The following NEMP2 variants were observed in gnomAD, a reference collection of about 807,000 sequenced individuals.
NEMP2 encodes nuclear envelope integral membrane protein 2.
NEMP2 carries 53 observed loss-of-function variants against 54.2 expected under a neutral mutation model. That is an observed-to-expected ratio of 0.98 (90% CI 0.78 to 1.23). The LOEUF (loss-of-function observed/expected upper bound fraction) is 1.23. NEMP2 is among the 50% of genes most tolerant of loss of function. The probability of loss-of-function intolerance (pLI) is 0.00; values close to 1 mark genes in which losing one functional copy is unlikely to be tolerated. For synonymous variants in NEMP2, 197 were observed against 190.3 expected (o/e 1.04, Z -0.29); for missense variants, 455 against 511.3 (o/e 0.89, Z 1.06).
At position 190,509,023 on chromosome 2, in the gene NEMP2, A is replaced by G. The variant is rs1690264785; in HGVS notation, c.*166T>C. On this transcript the variant is annotated 3_prime_UTR_variant, in exon 9 of 9. Transcript: ENST00000409150. The surrounding 1 kb of genome is among the most constrained non-coding windows in gnomAD (Gnocchi z 6.1). ...AGTAGCAGAAGTCACCAAGAATGCT[A>G]AGTTATCTTCAAAATGGGTTGGTTT... 1 of 1,050,000 alleles carries G rather than the reference A, an allele frequency of 9.5e-7. No homozygotes were observed. The highest frequency in any genetic ancestry group is 2.9e-5 in the Admixed American group (1 of 34,328). The allele number at this position is 1,050,000 out of a possible 1,614,324, so 65.0% of individuals were successfully genotyped here. A position where few individuals can be genotyped will look rare whatever the true frequency, so the allele number is the denominator to read the frequency against.
At chr2:190,551,059 G>C in the NEMP2 span, among the ~76,000 whole-genome samples, 1 of 146,172 alleles carries the variant, frequency 6.8e-6, no homozygotes, top group African/African-American at 2.5e-5. Context: ...ATCACTTGCT[G>C]GTTTTGACTT....
At chr2:190,436,227 C>G in the NEMP2 span, 6 of 1,614,028 alleles carry the variant, frequency 3.7e-6, no homozygotes, top group South Asian at 6.6e-5. This position sits in a 1 kb window ranked among gnomAD's most constrained non-coding sequence, Gnocchi z 5.3. Context: ...AGATAAACAA[C>G]GATCTTCTAA....
At chr2:190,495,199 A>AC in the NEMP2 span, among the ~76,000 whole-genome samples, 30,254 of 152,132 alleles carry the variant, frequency 0.2, 3,894 homozygotes, top group Admixed American at 0.4. This position sits in a 1 kb window ranked among gnomAD's most constrained non-coding sequence, Gnocchi z 4.7. Flanking sequence ...TCTGCTGTAC[A>AC]CCAACAGTGA....
chr2:190,637,006 G>A, the NEMP2 span, among the ~76,000 whole-genome samples: 7 of 152,158 alleles, frequency 4.6e-5, no homozygotes, highest in African/African-American at 1.7e-4. This position sits in a 1 kb window ranked among gnomAD's most constrained non-coding sequence, Gnocchi z 4.5. Context: ...GTCCCTTCTG[G>A]CTTCAGATCC....
chr2:190,465,728 C>CA, the NEMP2 span, among the ~76,000 whole-genome samples: 212 of 152,234 alleles, frequency 1.4e-3, 3 homozygotes, highest in East Asian at 0.038. This position sits in a 1 kb window ranked among gnomAD's most constrained non-coding sequence, Gnocchi z 4.6. Context: ...CGTGGTGGCT[C>CA]ACGCCTATAA....
the NEMP2 span, among the ~76,000 whole-genome samples, chr2:190,460,404 C>T: frequency 1.2e-4 from 18 of 152,182 alleles, no homozygotes; most frequent in Non-Finnish European, 1.9e-4. Flanking sequence ...CATACATACA[C>T]TCGCGTATGC....
At chr2:190,562,768 G>A in the NEMP2 span, among the ~76,000 whole-genome samples, 4 of 151,920 alleles carry the variant, frequency 2.6e-5, no homozygotes, top group Middle Eastern at 3.4e-3. This position sits in a 1 kb window ranked among gnomAD's most constrained non-coding sequence, Gnocchi z 5.0. Context: ...AAATGCCATC[G>A]ACTAACACAT....
the NEMP2 span, among the ~76,000 whole-genome samples, chr2:190,422,480 A>T: frequency 6.6e-6 from 1 of 152,194 alleles, no homozygotes; most frequent in African/African-American, 2.4e-5. Context: ...TTTTGTGAGA[A>T]ATTGCATGTG....
the NEMP2 span, among the ~76,000 whole-genome samples, chr2:190,422,500 T>C: frequency 3.3e-5 from 5 of 152,238 alleles, no homozygotes; most frequent in Non-Finnish European, 7.3e-5. Context: ...GTAAAATGTC[T>C]TTATTTCACC....
rs1691139367 is a variant in NEMP2, at chr2:190,531,405, A to G, written c.97+3154T>C. Among the ~76,000 whole-genome samples the G allele has an allele frequency of 6.6e-6, 1 of 152,230 alleles. No homozygotes were observed. The highest frequency in any genetic ancestry group is 2.4e-5 in the African/African-American group (1 of 41,460). ...CTTACTATGGAAAGACAGGTTTCTA[A>G]GCCTGGAAGGGCATCATTTTCCTTA... On this transcript the variant is annotated intron_variant, in intron 1 of 8. Coordinates refer to ENST00000409150, the MANE Select transcript of NEMP2 (RefSeq NM_001142645.2). The surrounding 1 kb of genome is among the most constrained non-coding windows in gnomAD (Gnocchi z 4.7).
At chr2:190,549,808 C>T in the NEMP2 span, among the ~76,000 whole-genome samples, 1 of 152,008 alleles carries the variant, frequency 6.6e-6, no homozygotes, top group Non-Finnish European at 1.5e-5. Flanking sequence ...GTCATGTCTC[C>T]AAAAAGTCCT....
rs10931458 is a variant in NEMP2, at chr2:190,525,400, G to A, written c.98-22C>T. 0.75 allele frequency: 1,020,638 copies of A among 1,353,326 alleles called. 388,717 individuals are homozygous for A. Among genetic ancestry groups the A allele is most frequent in the Admixed American group, 0.83 (38,655 of 46,848 alleles). 83.8% of individuals were successfully genotyped at this position (1,353,326 alleles called of 1,614,324 possible). ...CGAACTGAGAGATGGAAAAGGGAATGCATTTTCTAACTGTTTAATTGCCCA... is the reference window on the plus strand; with the variant it reads ...CGAACTGAGAGATGGAAAAGGGAATACATTTTCTAACTGTTTAATTGCCCA... On this transcript the variant is annotated intron_variant, in intron 1 of 8. Coordinates refer to ENST00000409150, the MANE Select transcript of NEMP2 (RefSeq NM_001142645.2). This position sits in a 1 kb window ranked among gnomAD's most constrained non-coding sequence, Gnocchi z 5.0.
downstream of NEMP2, among the ~76,000 whole-genome samples, chr2:190,499,643 C>A (rs1029628059): frequency 2.6e-4 from 40 of 152,352 alleles, no homozygotes; most frequent in African/African-American, 9.1e-4. This position sits in a 1 kb window ranked among gnomAD's most constrained non-coding sequence, Gnocchi z 6.0. Context: ...GTGGTCTTAG[C>A]AAGCGGCCTG....
chr2:190,531,805 GAAAA>G lies in NEMP2; in HGVS notation c.97+2750_97+2753del, dbSNP rs1304574707. Among the ~76,000 whole-genome samples, 1 of 149,880 alleles carries G rather than the reference GAAAA, an allele frequency of 6.7e-6. No individual in the cohort carries two copies. Among genetic ancestry groups the G allele is most frequent in the African/African-American group, 2.5e-5 (1 of 40,742 alleles). On this transcript the variant is annotated intron_variant, in intron 1 of 8. Transcript: ENST00000409150. The surrounding 1 kb of genome is among the most constrained non-coding windows in gnomAD (Gnocchi z 4.7). Reference sequence around the variant, plus strand: ...GTTAAAGAGTTGAGTCATATATACGGAAAAAAAAACCTCAGTCAAAACATCAGAA... The same window carrying G: ...GTTAAAGAGTTGAGTCATATATACGGAAAAACCTCAGTCAAAACATCAGAA...
downstream of NEMP2, chr2:190,500,014 G>A (rs780857461): frequency 6.2e-7 from 1 of 1,614,096 alleles, no homozygotes; most frequent in Non-Finnish European, 8.5e-7. This position sits in a 1 kb window ranked among gnomAD's most constrained non-coding sequence, Gnocchi z 5.3. Flanking sequence ...TTTACCTCCA[G>A]GGGACCAATG....
At chr2:190,436,514 A>T in the NEMP2 span, 1 of 1,614,228 alleles carries the variant, frequency 6.2e-7, no homozygotes, top group South Asian at 1.1e-5. This position sits in a 1 kb window ranked among gnomAD's most constrained non-coding sequence, Gnocchi z 5.3. Flanking sequence ...TGTGTACCAA[A>T]GATTCGCCCA....
chr2:190,474,235 T>C, the NEMP2 span, among the ~76,000 whole-genome samples: 2 of 151,622 alleles, frequency 1.3e-5, no homozygotes, highest in Non-Finnish European at 2.9e-5. Flanking sequence ...CTGAAGGAAA[T>C]AGAGACACAA....
the NEMP2 span, among the ~76,000 whole-genome samples, chr2:190,552,437 AT>A: frequency 5.9e-5 from 9 of 152,338 alleles, no homozygotes; most frequent in East Asian, 1.7e-3. Flanking sequence ...TAGATTAAAA[AT>A]ATTCTCTTCT....
the NEMP2 span, among the ~76,000 whole-genome samples, chr2:190,628,953 TTTCA>T: frequency 5.9e-5 from 9 of 152,298 alleles, no homozygotes; most frequent in South Asian, 1.4e-3. This position sits in a 1 kb window ranked among gnomAD's most constrained non-coding sequence, Gnocchi z 4.1. Flanking sequence ...ATCATAATTC[TTTCA>T]TTGAGTTTAA....
Sources: allele counts gnomAD v4.1 joint callset (sites outside exome capture counted in the v4.1 genomes callset), GRCh38; gene constraint gnomAD v4.1.1; non-coding constraint Gnocchi (gnomAD v3.1); transcripts MANE v1.5; gene names NCBI Gene and HGNC (gene_info 2026-07-23, HGNC 2026-07-21).